Variants in HSD17B12 observed in about 807,000 individuals in gnomAD.
HSD17B12 encodes the protein very-long-chain 3-oxoacyl-CoA reductase.
In HSD17B12, 32 loss-of-function variants were observed where a neutral mutation model predicts 39.3. The ratio of observed to expected loss-of-function variants is 0.81; its 90% CI spans 0.61 to 1.09. The LOEUF is 1.09. HSD17B12 is among the 50% of genes least tolerant of loss of function. HSD17B12 has a pLI of 0.00. For synonymous variants in HSD17B12, 150 were observed against 146.7 expected (o/e 1.02, Z -0.16); for missense variants, 342 against 382.9 (o/e 0.89, Z 0.89).
chr11:43,581,576 G>A, the HSD17B12 span: 2 of 402,456 alleles, frequency 5.0e-6, no homozygotes, highest in South Asian at 3.5e-5. The surrounding 1 kb of genome is among the most constrained non-coding windows in gnomAD (Gnocchi z 4.9). Flanking sequence ...CCCTTTCCCC[G>A]TTTTCCACGG....
At chr11:43,594,758 C>A in the HSD17B12 span, among the ~76,000 whole-genome samples, 1 of 151,980 alleles carries the variant, frequency 6.6e-6, no homozygotes, top group Non-Finnish European at 1.5e-5. Flanking sequence ...TTTTCTTTTT[C>A]TTTCTGGATG....
the HSD17B12 span, among the ~76,000 whole-genome samples, chr11:43,662,299 G>T: frequency 1.2e-3 from 176 of 150,474 alleles, no homozygotes; most frequent in Non-Finnish European, 2.2e-3. Context: ...CCTGGGTTCA[G>T]ACAGTTCTCC....
upstream of HSD17B12, among the ~76,000 whole-genome samples, chr11:43,678,768 G>A (rs1290810307): frequency 6.6e-6 from 1 of 152,058 alleles, no homozygotes; most frequent in Non-Finnish European, 1.5e-5. Flanking sequence ...TATTTCTGAG[G>A]GCTCTGTTCT....
chr11:43,800,157 C>T (rs1476195535), intron 4 of HSD17B12, among the ~76,000 whole-genome samples: 4 of 152,176 alleles, frequency 2.6e-5, no homozygotes, highest in Non-Finnish European at 2.9e-5. Flanking sequence ...TCACCACTGA[C>T]ATCTGTAAAA....
chr11:43,596,408 C>G, the HSD17B12 span, among the ~76,000 whole-genome samples: 1 of 151,964 alleles, frequency 6.6e-6, no homozygotes, highest in Non-Finnish European at 1.5e-5. Context: ...AGGGCATTTT[C>G]CTTTTTCTTT....
At chr11:43,824,533 G>C (rs1951213681) in intron 6 of HSD17B12, among the ~76,000 whole-genome samples, 1 of 152,164 alleles carries the variant, frequency 6.6e-6, no homozygotes, top group African/African-American at 2.4e-5. Flanking sequence ...GAGCCTTCTT[G>C]CCATGTCCTC....
chr11:43,609,767 A>G, the HSD17B12 span, among the ~76,000 whole-genome samples: 1 of 152,142 alleles, frequency 6.6e-6, no homozygotes, highest in Non-Finnish European at 1.5e-5. Flanking sequence ...GCCATTAACT[A>G]TCTCTGCCAG....
chr11:43,786,049 A>G (rs1950813094), intron 3 of HSD17B12, among the ~76,000 whole-genome samples: 1 of 152,222 alleles, frequency 6.6e-6, no homozygotes, highest in Middle Eastern at 3.2e-3. Flanking sequence ...GACAACAAAT[A>G]CTGTTGCTTG....
chr11:43,825,651 C>A (rs532703181), intron 6 of HSD17B12, among the ~76,000 whole-genome samples: 224 of 152,304 alleles, frequency 1.5e-3, no homozygotes, highest in African/African-American at 5.2e-3. Flanking sequence ...AATAGCTAGT[C>A]TTTTAATTCA....
intron 3 of HSD17B12, among the ~76,000 whole-genome samples, chr11:43,776,790 T>C (rs1201017042): frequency 6.6e-6 from 1 of 152,108 alleles, no homozygotes; most frequent in Non-Finnish European, 1.5e-5. Flanking sequence ...GTATAAGGTG[T>C]AAGGAAGGGA....
chr11:43,724,258 TG>T (rs2134871908), intron 1 of HSD17B12: 1 of 152,038 alleles, frequency 6.6e-6, no homozygotes, highest in South Asian at 2.1e-4. Flanking sequence ...TGTGTGTGTG[TG>T]TTTTCGTTTA....
intron 1 of HSD17B12, among the ~76,000 whole-genome samples, chr11:43,745,857 A>G (rs984264538): frequency 6.6e-6 from 1 of 151,878 alleles, no homozygotes; most frequent in African/African-American, 2.4e-5. Flanking sequence ...CTCTACAGGA[A>G]AAAAAAAGGT....
chr11:43,601,065 G>C, the HSD17B12 span, among the ~76,000 whole-genome samples: 1 of 150,888 alleles, frequency 6.6e-6, no homozygotes, highest in African/African-American at 2.4e-5. Flanking sequence ...TGTGTATTCT[G>C]TCCTTTTTTT....
chr11:43,643,862 T>G, the HSD17B12 span, among the ~76,000 whole-genome samples: 1 of 152,202 alleles, frequency 6.6e-6, no homozygotes, highest in African/African-American at 2.4e-5. Context: ...AGAAAAATGT[T>G]GGAAAATGAT....
chr11:43,683,111 T>G (rs1180024436), intron 1 of HSD17B12, among the ~76,000 whole-genome samples: 5 of 151,656 alleles, frequency 3.3e-5, no homozygotes, highest in South Asian at 2.1e-4. Context: ...TTTGTTTTTT[T>G]TTTTTTTTCT....
intron 1 of HSD17B12, among the ~76,000 whole-genome samples, chr11:43,695,885 C>T (rs767094801): frequency 8.6e-5 from 13 of 151,972 alleles, no homozygotes; most frequent in Non-Finnish European, 1.5e-4. Context: ...TGCAAGTGAA[C>T]GTTTGTTACA....
At chr11:43,659,541 C>A in the HSD17B12 span, among the ~76,000 whole-genome samples, 33 of 152,184 alleles carry the variant, frequency 2.2e-4, no homozygotes, top group Middle Eastern at 3.4e-3. Context: ...GCTCCACCCC[C>A]CAGTTGATGC....
chr11:43,625,947 C>G, the HSD17B12 span, among the ~76,000 whole-genome samples: 3 of 83,678 alleles, frequency 3.6e-5, no homozygotes, highest in African/African-American at 1.4e-4. Flanking sequence ...ACATTTAAAA[C>G]TCTTCTATTT....
chr11:43,681,123 G>C, intron 1 of HSD17B12, 136 bp downstream of exon 1: 1 of 1,420,924 alleles, frequency 7.0e-7, no homozygotes, highest in African/African-American at 1.5e-5. Flanking sequence ...TGTGCCCCGC[G>C]GGCCCCTCCT....
Sources: gnomAD v4.1 joint callset for allele counts (sites outside exome capture counted in the v4.1 genomes callset) on GRCh38, gnomAD v4.1.1 for gene constraint, Gnocchi (gnomAD v3.1) non-coding constraint, MANE v1.5 for transcripts, NCBI Gene and HGNC (gene_info 2026-07-23, HGNC 2026-07-21) for gene names.